Variants in STAB2 observed in about 807,000 individuals in gnomAD.
STAB2 encodes stabilin-2.
STAB2 carries 288 observed loss-of-function variants against 338.1 expected under a neutral mutation model. That is an observed-to-expected ratio of 0.85 (90% CI 0.77 to 0.94). The LOEUF (loss-of-function observed/expected upper bound fraction) is 0.94, where lower values mean the gene tolerates loss of function less well. Among genes scored for constraint, STAB2 ranks in the 40% least tolerant of loss-of-function variants. STAB2 has a pLI of 0.00. For synonymous variants in STAB2, 1,202 were observed against 1,193.3 expected, an observed-to-expected ratio of 1.01 and a Z score of -0.15; for missense variants, 3,141 against 3,210.1, an observed-to-expected ratio of 0.98 and a Z score of 0.52.
chr12:103,630,772 G>T (rs1363994749), intron 5 of STAB2, among the ~76,000 whole-genome samples: 1 of 152,182 alleles, frequency 6.6e-6, no homozygotes, highest in African/African-American at 2.4e-5. Context: ...AAAGACAAAA[G>T]AAAAGATTCT....
chr12:103,724,936 G>A (rs1279014816), intron 44 of STAB2, 39 bp from the exon 45 acceptor site: 1 of 1,608,446 alleles, frequency 6.2e-7, no homozygotes, highest in South Asian at 1.1e-5. Flanking sequence ...AAACTAACTG[G>A]TCTAATCCCC....
chr12:103,758,151 ACTT>A lies in STAB2; in HGVS notation c.6988-17_6988-15del. ...CACACCAGGGCTGGCCCCTCTGATG[ACTT>A]CCTTCTTCTCCCCAGGAAGTGCTGG... On this transcript the variant is annotated splice_polypyrimidine_tract_variant and intron_variant, in intron 63 of 68. Coordinates refer to ENST00000388887, the MANE Select transcript of STAB2 (RefSeq NM_017564.10). The A allele has an allele frequency of 6.2e-7, 1 of 1,613,680 alleles. No homozygotes were observed. Among genetic ancestry groups the A allele is most frequent in the Non-Finnish European group, 8.5e-7 (1 of 1,179,954 alleles).
intron 12 of STAB2, 121 bp from the exon 13 acceptor site, chr12:103,654,434 C>T: frequency 9.0e-7 from 1 of 1,107,814 alleles, no homozygotes; most frequent in South Asian, 1.8e-5. Context: ...AGTGACTTAT[C>T]CAAAATCACA....
At chr12:103,612,997 C>G (rs1957150006) in intron 3 of STAB2, among the ~76,000 whole-genome samples, 1 of 152,220 alleles carries the variant, frequency 6.6e-6, no homozygotes, top group Non-Finnish European at 1.5e-5. Context: ...GGCTGCAGAA[C>G]AGCAAATATT....
chr12:103,699,746 T>C (rs1878703047), intron 34 of STAB2, among the ~76,000 whole-genome samples: 2 of 152,312 alleles, frequency 1.3e-5, no homozygotes, highest in South Asian at 4.1e-4. Context: ...TGTTTCACCA[T>C]AAAGTAAAGC....
intron 36 of STAB2, among the ~76,000 whole-genome samples, chr12:103,705,352 T>C (rs1163504357): frequency 6.6e-6 from 1 of 152,252 alleles, no homozygotes; most frequent in Non-Finnish European, 1.5e-5. Context: ...TGGTTTACTC[T>C]ACAATTCTTG....
intron 6 of STAB2, among the ~76,000 whole-genome samples, chr12:103,632,339 T>C (rs1168196869): frequency 6.6e-6 from 1 of 152,158 alleles, no homozygotes; most frequent in African/African-American, 2.4e-5. Context: ...GGATGGAGCA[T>C]AACAAAGGAA....
rs1366397239 is a variant in STAB2, at chr12:103,727,377, G to T, written c.4935+27G>T. 5 of 1,612,358 alleles carry T rather than the reference G, an allele frequency of 3.1e-6. No individual in the cohort carries two copies. In the African/African-American group the frequency reaches 4.0e-5, roughly 13 times the overall value. ...TGAGCATGAGACTGTGGGCAGAAGG[G>T]GGAGGTCTGCGGCTGGAACATAGTC... On this transcript the variant is annotated intron_variant, in intron 47 of 68. Transcript: ENST00000388887.
rs566248277 is a variant in STAB2, at chr12:103,656,908, G to A, written c.1734+1327G>A. Among the ~76,000 whole-genome samples, 3 of 150,560 alleles carry A rather than the reference G, an allele frequency of 2.0e-5. No homozygotes were observed. The South Asian group carries it at 6.3e-4, about 32-fold the overall frequency. On this transcript the variant is annotated intron_variant, in intron 15 of 68. Transcript: ENST00000388887. ...TCACCTTGTTAGCCAGGATGGTCTCGATCTCCTGACCTCATGATCCACCCG... is the reference window on the plus strand; with the variant it reads ...TCACCTTGTTAGCCAGGATGGTCTCAATCTCCTGACCTCATGATCCACCCG...
At chr12:103,746,369 A>T in intron 57 of STAB2, 2 of 402,584 alleles carry the variant, frequency 5.0e-6, no homozygotes, top group Non-Finnish European at 9.1e-6. Context: ...TTTCTCATAT[A>T]AATCTCAATG....
rs867148718 is a variant in STAB2 at position 103,733,037 on chromosome 12, C to T, written c.5315C>T (p.Pro1772Leu). Reference sequence around the variant, plus strand: ...GGTTTGCTGAGTGTCATCACCGATCCCATCCACACCCCAGTCACTCTCTTC... The same window carrying T: ...GGTTTGCTGAGTGTCATCACCGATCTCATCCACACCCCAGTCACTCTCTTC... ...DSGLLSVITDPIHTPVTLFWP... is the reference protein window; with the variant it reads ...DSGLLSVITDLIHTPVTLFWP... The change falls in exon 51 of 69, where the codon CCC becomes CTC. Residue 1772 changes from proline (P) to leucine (L), a missense_variant. Physicochemically the swap from Pro to Leu is moderately conservative, Grantham distance 98 (BLOSUM62 -3). Coordinates refer to ENST00000388887, the MANE Select transcript of STAB2 (RefSeq NM_017564.10). The T allele has an allele frequency of 6.2e-7, 1 of 1,614,038 alleles. No individual in the cohort carries two copies. Among genetic ancestry groups the T allele is most frequent in the South Asian group, 1.1e-5 (1 of 91,070 alleles).
At chr12:103,647,324 A>G (rs1052280877) in intron 9 of STAB2, among the ~76,000 whole-genome samples, 4 of 152,140 alleles carry the variant, frequency 2.6e-5, no homozygotes, top group African/African-American at 9.7e-5. Context: ...ACGTGGATTA[A>G]CCATAAAAAA....
rs546929051 is a variant in STAB2 at position 103,640,554 on chromosome 12, A to C, written c.1040+298A>C. Among the ~76,000 whole-genome samples, 4 of 152,356 alleles carry C rather than the reference A, an allele frequency of 2.6e-5. No homozygotes were observed. In the East Asian group the frequency reaches 5.8e-4, roughly 22 times the overall value. On this transcript the variant is annotated intron_variant, in intron 9 of 68. Transcript: ENST00000388887. ...AGGAAGCCACTGCGACTGGGGAAAC[A>C]AATGGTTGTTGAGATTACAGGGTTA...
In STAB2 at chr12:103,761,304, A is replaced by G; in HGVS notation, c.7253A>G (p.Glu2418Gly). Residue 2418 changes from glutamate to glycine, a missense_variant, in exon 66 of 69, where the codon GAG (glutamate) becomes GGG (glycine). Coordinates refer to ENST00000388887, the MANE Select transcript of STAB2 (RefSeq NM_017564.10). Reference sequence around the variant, plus strand: ...ACCCTCTTCTCATTTCCCTAGACGGAGACCAGGTTTGTTGATGGAAGAGCC... The same window carrying G: ...ACCCTCTTCTCATTTCCCTAGACGGGGACCAGGTTTGTTGATGGAAGAGCC... ...TASQDPLQPTETRFVDGRAIL... is the reference protein window; with the variant it reads ...TASQDPLQPTGTRFVDGRAIL... The G allele has an allele frequency of 6.2e-7, 1 of 1,613,928 alleles. No individual in the cohort carries two copies. The highest frequency in any genetic ancestry group is 1.1e-5 in the South Asian group (1 of 91,066).
Position 103,671,651 on chromosome 12 carries a change from A to G in STAB2, c.2371+844A>G, listed in dbSNP as rs75433113. On this transcript the variant is annotated intron_variant, in intron 22 of 68. Transcript: ENST00000388887. ...ATAAATGGAAACCGCTTGCCTTAGA[A>G]CCATGCCTAGTACAAAACATGTGCC... 2.0e-5 allele frequency among the ~76,000 whole-genome samples: 3 copies of G among 152,350 alleles called. No individual in the cohort carries two copies. The East Asian group carries it at 5.8e-4, about 29-fold the overall frequency.
chr12:103,675,405 A>G (rs1417247867), intron 23 of STAB2, among the ~76,000 whole-genome samples: 2 of 152,212 alleles, frequency 1.3e-5, no homozygotes, highest in African/African-American at 4.8e-5. Flanking sequence ...ATGGGAGAGG[A>G]TAAGTCTCAC....
At position 103,761,418 on chromosome 12, in the gene STAB2, T is replaced by C. The variant is rs1286308690; in HGVS notation, c.7359+8T>C. ...GCACCCCCTGCCCCCGTGGTGAGTA[T>C]CTAGGGTCCCTGATAACGGGCCAGG... On this transcript the variant is annotated splice_region_variant and intron_variant, in intron 66 of 68. Transcript: ENST00000388887. The C allele has an allele frequency of 6.2e-7, 1 of 1,612,532 alleles. No individual in the cohort carries two copies. The highest frequency in any genetic ancestry group is 8.5e-7 in the Non-Finnish European group (1 of 1,179,558).
At chr12:103,616,588 T>G (rs1445694263) in intron 3 of STAB2, among the ~76,000 whole-genome samples, 1 of 152,242 alleles carries the variant, frequency 6.6e-6, no homozygotes, top group Non-Finnish European at 1.5e-5. Context: ...TGGCACTGAT[T>G]GCTGAGTCTC....
Position 103,730,097 on chromosome 12 carries a change from T to C in STAB2, c.5083-19T>C. 6.4e-7 allele frequency: 1 copy of C among 1,561,278 alleles called. No individual in the cohort carries two copies. ...TTTCACTTTGCACTCATTTCTTTTT[T>C]GTTTTTGGTTGATTTCAGAGCACGG... On this transcript the variant is annotated intron_variant, in intron 48 of 68. Coordinates refer to ENST00000388887, the MANE Select transcript of STAB2 (RefSeq NM_017564.10).
Sources: gnomAD v4.1 joint callset for allele counts (sites outside exome capture counted in the v4.1 genomes callset) on GRCh38, gnomAD v4.1.1 for gene constraint, MANE v1.5 for transcripts, NCBI Gene and HGNC (gene_info 2026-07-23, HGNC 2026-07-21) for gene names.